Variants in ZNF236 observed in about 807,000 individuals in gnomAD.
The protein encoded by ZNF236 is zinc finger protein 236, also known as regulated by glucose.
In ZNF236, 50 loss-of-function variants were observed where a neutral mutation model predicts 191.2. That is an observed-to-expected ratio of 0.26 (90% CI 0.21 to 0.33). The LOEUF (loss-of-function observed/expected upper bound fraction) is 0.33. Ranked by LOEUF, ZNF236 falls within the 10% of genes least tolerant of loss-of-function variation. The pLI is 1.00. For synonymous variants in ZNF236, 907 were observed against 928.8 expected, an observed-to-expected ratio of 0.98 and a Z score of 0.43; for missense variants, 1,754 against 2,374.5, an observed-to-expected ratio of 0.74 and a Z score of 5.43.
chr18:76,850,731 T>C (rs1331618469), intron 2 of ZNF236, among the ~76,000 whole-genome samples: 1 of 151,872 alleles, frequency 6.6e-6, no homozygotes, highest in Non-Finnish European at 1.5e-5. Context: ...GCTTCCCGAG[T>C]AGCTGGGATT....
rs1407218027 is a variant in ZNF236 at position 76,955,915 on chromosome 18, G to A, written c.4915-70G>A. Reference sequence around the variant, plus strand: ...GGAATGTCCCTCTTATCACCACGGTGTGTGTCAGTTCACAAACTGCACAAA... The same window carrying A: ...GGAATGTCCCTCTTATCACCACGGTATGTGTCAGTTCACAAACTGCACAAA... On this transcript the variant is annotated intron_variant, in intron 27 of 30. Coordinates refer to ENST00000320610, the MANE Select transcript of ZNF236 (RefSeq NM_001306089.2). 28 of 1,494,352 alleles carry A rather than the reference G, an allele frequency of 1.9e-5. No individual in the cohort carries two copies. In the South Asian group the frequency reaches 3.1e-4, roughly 17 times the overall value. 92.6% of individuals were successfully genotyped at this position (1,494,352 alleles called of 1,614,324 possible).
intron 1 of ZNF236, among the ~76,000 whole-genome samples, chr18:76,842,480 G>C (rs1045073216): frequency 4.0e-5 from 6 of 149,464 alleles, no homozygotes; most frequent in Non-Finnish European, 5.9e-5. Flanking sequence ...AGCCTGGTGC[G>C]ATGGCTGACA....
At chr18:76,854,893 G>A (rs187554521) in intron 3 of ZNF236, among the ~76,000 whole-genome samples, 11 of 152,060 alleles carry the variant, frequency 7.2e-5, no homozygotes, top group Admixed American at 7.2e-4. Context: ...TATCAATAGT[G>A]CTATTCAAAA....
In ZNF236 at chr18:76,927,064, C is replaced by T. The variant is rs1328382467; in HGVS notation, c.4055C>T (p.Thr1352Ile). Reference protein sequence around the residue: ...SAGGDLTVSLTDGSLATLEGI... With the variant: ...SAGGDLTVSLIDGSLATLEGI... ...GGGGGTGACCTGACCGTGTCTCTGA[C>T]AGATGGGAGCCTGGCTACCCTAGAA... The change falls in exon 23 of 31, where the codon ACA (threonine) becomes ATA (isoleucine). Residue 1352 changes from threonine to isoleucine, a missense_variant. This residue lies in a region of ZNF236 where 606 missense variants were observed against 761.5 expected (regional missense o/e 0.80). Transcript: ENST00000320610. The surrounding 1 kb of genome is among the most constrained non-coding windows in gnomAD (Gnocchi z 5.4). The T allele has an allele frequency of 2.5e-6, 4 of 1,613,602 alleles. No individual in the cohort carries two copies. The South Asian group carries it at 3.3e-5, about 13-fold the overall frequency.
At chr18:76,963,142 T>C (rs187298366) in intron 30 of ZNF236, among the ~76,000 whole-genome samples, 61 of 152,284 alleles carry the variant, frequency 4.0e-4, no homozygotes, top group African/African-American at 1.4e-3. Context: ...GTGGGCATCT[T>C]TGTCTTGTTT....
In ZNF236 at chr18:76,970,385, AAAG is replaced by A. The variant is rs1215733350; in HGVS notation, c.*2049_*2051del. 3 of 152,670 alleles carry A rather than the reference AAAG, an allele frequency of 2.0e-5. No homozygotes were observed. Among genetic ancestry groups the A allele is most frequent in the Admixed American group, 6.5e-5 (1 of 15,284 alleles). The allele number at this position is 152,670 out of a possible 1,614,324, so 9.5% of individuals were successfully genotyped here. A position where few individuals can be genotyped will look rare whatever the true frequency, so the allele number is the denominator to read the frequency against. ...GCCTACTTTTATTTTGGTTAAAGAA[AAAG>A]AAAATATCAATAATTCAATTTTGTG... On this transcript the variant is annotated 3_prime_UTR_variant, in exon 31 of 31. Coordinates refer to ENST00000320610, the MANE Select transcript of ZNF236 (RefSeq NM_001306089.2).
chr18:76,906,023 G>A (rs543151020), intron 13 of ZNF236, among the ~76,000 whole-genome samples: 1 of 152,228 alleles, frequency 6.6e-6, no homozygotes, highest in East Asian at 1.9e-4. Flanking sequence ...GTAACACCTG[G>A]GTAGGGTGAC....
At position 76,971,887 on chromosome 18, in the gene ZNF236, A is replaced by T. The variant is rs1968912328; in HGVS notation, c.*3548A>T. On this transcript the variant is annotated 3_prime_UTR_variant, in exon 31 of 31. Coordinates refer to ENST00000320610, the MANE Select transcript of ZNF236 (RefSeq NM_001306089.2). ...TAAGGCTATCTCATGCCTGCTTCTTACATTTTTTTCTGAAGCTTATTTCAG... is the reference window on the plus strand; with the variant it reads ...TAAGGCTATCTCATGCCTGCTTCTTTCATTTTTTTCTGAAGCTTATTTCAG... Among the ~76,000 whole-genome samples, 1 of 152,226 alleles carries T rather than the reference A, an allele frequency of 6.6e-6. No homozygotes were observed.
At chr18:76,931,868 C>G (rs775628933) in intron 25 of ZNF236, among the ~76,000 whole-genome samples, 22 of 152,110 alleles carry the variant, frequency 1.4e-4, no homozygotes, top group Non-Finnish European at 2.8e-4. Context: ...TATTTTCCAA[C>G]TATGTATATC....
chr18:76,862,313 C>T (rs368959617), intron 3 of ZNF236, among the ~76,000 whole-genome samples: 2 of 152,236 alleles, frequency 1.3e-5, no homozygotes, highest in East Asian at 3.9e-4. Flanking sequence ...AACAGAAAAT[C>T]TTTTTATGGT....
chr18:76,905,716 A>T (rs1489062907), intron 13 of ZNF236, among the ~76,000 whole-genome samples: 1 of 152,226 alleles, frequency 6.6e-6, no homozygotes, highest in African/African-American at 2.4e-5. Context: ...GAAATGCTGG[A>T]CTGTGTCTAG....
intron 26 of ZNF236, among the ~76,000 whole-genome samples, chr18:76,943,363 G>A (rs1401261469): frequency 3.3e-5 from 5 of 152,116 alleles, no homozygotes; most frequent in African/African-American, 1.2e-4. Flanking sequence ...GAGCAGGCCG[G>A]TGGTAGTTGT....
At chr18:76,907,405 G>A (rs1977773613) in intron 13 of ZNF236, among the ~76,000 whole-genome samples, 1 of 152,220 alleles carries the variant, frequency 6.6e-6, no homozygotes, top group Non-Finnish European at 1.5e-5. Context: ...CCAGGCTGGA[G>A]TGCCGTGGTG....
Position 76,904,524 on chromosome 18 carries a change from A to G in ZNF236, c.2036+3A>G, listed in dbSNP as rs368979337. Reference sequence around the variant, plus strand: ...TGCCACCTTAAACAACACATCAGGTAAGGTAACGGATTCACAGATGGAAAT... The same window carrying G: ...TGCCACCTTAAACAACACATCAGGTGAGGTAACGGATTCACAGATGGAAAT... On this transcript the variant is annotated splice_donor_region_variant and intron_variant, in intron 12 of 30. Transcript: ENST00000320610. 1.3e-6 allele frequency: 2 copies of G among 1,577,528 alleles called. No homozygotes were observed. The highest frequency in any genetic ancestry group is 1.7e-6 in the Non-Finnish European group (2 of 1,162,416).
chr18:76,910,250 T>G (rs1599385663), intron 15 of ZNF236, 81 bp downstream of exon 15: 1 of 1,219,348 alleles, frequency 8.2e-7, no homozygotes, highest in African/African-American at 1.5e-5. Context: ...TTACATGTTT[T>G]CTCTTAAGGC....
At chr18:76,856,285 C>A (rs1379661225) in intron 3 of ZNF236, among the ~76,000 whole-genome samples, 1 of 152,012 alleles carries the variant, frequency 6.6e-6, no homozygotes, top group Non-Finnish European at 1.5e-5. Flanking sequence ...CGAGTTCAAG[C>A]GATTCTCCTG....
intron 30 of ZNF236, among the ~76,000 whole-genome samples, chr18:76,964,988 T>C (rs985270362): frequency 6.6e-6 from 1 of 152,364 alleles, no homozygotes; most frequent in East Asian, 1.9e-4. Context: ...TCCAAACTTT[T>C]AGATTTCTCT....
chr18:76,831,063 G>A (rs1975156276), intron 1 of ZNF236, among the ~76,000 whole-genome samples: 1 of 152,126 alleles, frequency 6.6e-6, no homozygotes, highest in Admixed American at 6.6e-5. Flanking sequence ...AGTAAATTTA[G>A]CCAATGTTGA....
chr18:76,879,438 A>C (rs965680193), intron 7 of ZNF236, among the ~76,000 whole-genome samples: 1 of 152,158 alleles, frequency 6.6e-6, no homozygotes, highest in Non-Finnish European at 1.5e-5. Flanking sequence ...TGGATATATT[A>C]TTATTAGTAA....
Sources: allele counts gnomAD v4.1 joint callset (sites outside exome capture counted in the v4.1 genomes callset), GRCh38; gene constraint gnomAD v4.1.1; regional missense constraint gnomAD v4.1.1; non-coding constraint Gnocchi (gnomAD v3.1); transcripts MANE v1.5; gene names NCBI Gene and HGNC (gene_info 2026-07-23, HGNC 2026-07-21).